Variants in PTPRJ observed in about 807,000 individuals in gnomAD.
The protein encoded by PTPRJ is receptor-type tyrosine-protein phosphatase eta.
A neutral mutation model predicts 141.3 loss-of-function variants in PTPRJ; 129 were observed. The ratio of observed to expected loss-of-function variants is 0.91; its 90% CI spans 0.79 to 1.06. PTPRJ has a LOEUF of 1.06. Ranked by LOEUF, PTPRJ falls within the 50% of genes least tolerant of loss-of-function variation. The probability of loss-of-function intolerance (pLI) is 0.00; values close to 1 mark genes in which losing one functional copy is unlikely to be tolerated. For missense variants in PTPRJ, 1,601 were observed against 1,679.7 expected, an observed-to-expected ratio of 0.95 and a Z score of 0.82; for synonymous variants, 610 against 640.5, an observed-to-expected ratio of 0.95 and a Z score of 0.72.
At chr11:47,986,793 G>C (rs1378758856) in intron 1 of PTPRJ, among the ~76,000 whole-genome samples, 1 of 152,190 alleles carries the variant, frequency 6.6e-6, no homozygotes, top group African/African-American at 2.4e-5. Flanking sequence ...TGGGATTACA[G>C]TCTGAGCCAC....
At chr11:48,067,234 G>A (rs1298983758) in intron 1 of PTPRJ, among the ~76,000 whole-genome samples, 1 of 152,158 alleles carries the variant, frequency 6.6e-6, no homozygotes, top group Non-Finnish European at 1.5e-5. Context: ...CCCTCCACCA[G>A]AGCAATTACA....
intron 1 of PTPRJ, among the ~76,000 whole-genome samples, chr11:48,020,265 A>G (rs1295988957): frequency 6.6e-6 from 1 of 152,154 alleles, no homozygotes; most frequent in African/African-American, 2.4e-5. Context: ...GTGACTGTTC[A>G]GTGGTAGGCA....
chr11:47,991,219 A>G (rs752943644), intron 1 of PTPRJ, among the ~76,000 whole-genome samples: 1 of 152,208 alleles, frequency 6.6e-6, no homozygotes, highest in Non-Finnish European at 1.5e-5. Flanking sequence ...GTGTGACTGA[A>G]GAGTGGCCAG....
At chr11:48,103,275 A>G (rs961797052) in intron 1 of PTPRJ, among the ~76,000 whole-genome samples, 1 of 152,168 alleles carries the variant, frequency 6.6e-6, no homozygotes, top group African/African-American at 2.4e-5. Context: ...CCAGGGAAGT[A>G]TAGGGAGACC....
chr11:48,089,664 G>A (rs1053022312), intron 1 of PTPRJ, among the ~76,000 whole-genome samples: 4 of 152,158 alleles, frequency 2.6e-5, no homozygotes, highest in South Asian at 2.1e-4. Context: ...CATAATGTCC[G>A]TATATAAATT....
chr11:48,149,895 G>T, intron 16 of PTPRJ, 95 bp from the exon 17 acceptor site: 1 of 961,246 alleles, frequency 1.0e-6, no homozygotes, highest in African/African-American at 1.7e-5. Flanking sequence ...TATACCCTGG[G>T]TTTTGTTGTT....
intron 1 of PTPRJ, among the ~76,000 whole-genome samples, chr11:48,040,292 C>G (rs544363990): frequency 1.3e-5 from 2 of 152,354 alleles, no homozygotes; most frequent in Admixed American, 6.5e-5. Flanking sequence ...CGCGCACATG[C>G]GTGTGCACCT....
At chr11:48,072,648 T>C (rs548228517) in intron 1 of PTPRJ, among the ~76,000 whole-genome samples, 15 of 152,088 alleles carry the variant, frequency 9.9e-5, no homozygotes, top group Non-Finnish European at 1.9e-4. Context: ...GATTCAGGAG[T>C]GTTCACATAG....
intron 1 of PTPRJ, among the ~76,000 whole-genome samples, chr11:48,085,730 T>C (rs762604334): frequency 3.9e-5 from 6 of 152,138 alleles, no homozygotes; most frequent in Non-Finnish European, 5.9e-5. Context: ...CCAAAAAGTT[T>C]AAGATGTGCT....
At chr11:48,005,688 G>C (rs1414525964) in intron 1 of PTPRJ, among the ~76,000 whole-genome samples, 1 of 152,190 alleles carries the variant, frequency 6.6e-6, no homozygotes, top group African/African-American at 2.4e-5. Flanking sequence ...TGTGGCCACG[G>C]GTTTTCAATG....
chr11:48,114,322 C>T (rs954684034), intron 3 of PTPRJ, among the ~76,000 whole-genome samples: 2 of 150,274 alleles, frequency 1.3e-5, no homozygotes, highest in Non-Finnish European at 1.5e-5. Flanking sequence ...CCTGTAATCC[C>T]AGCTACTCGG....
intron 1 of PTPRJ, among the ~76,000 whole-genome samples, chr11:48,049,622 G>C (rs1854507626): frequency 6.6e-6 from 1 of 151,006 alleles, no homozygotes; most frequent in Admixed American, 6.6e-5. Context: ...GCTGAGGCAG[G>C]AGAATCGCTT....
At chr11:48,126,539 G>C (rs964628075) in intron 6 of PTPRJ, among the ~76,000 whole-genome samples, 2 of 152,074 alleles carry the variant, frequency 1.3e-5, no homozygotes, top group East Asian at 3.9e-4. Context: ...CCTGGGCTCC[G>C]GGTGAAACAC....
intron 1 of PTPRJ, among the ~76,000 whole-genome samples, chr11:48,062,903 A>C (rs78360162): frequency 6.6e-6 from 1 of 152,228 alleles, no homozygotes; most frequent in African/African-American, 2.4e-5. Context: ...TAGAGTTGTC[A>C]TGCATTCCAG....
Position 48,159,338 on chromosome 11 carries a change from A to C in PTPRJ, c.3439-592A>C, listed in dbSNP as rs377275544. ...CCGATGTATATCTGAAAGCCTTGGG[A>C]AAAAGTCCTCATTTCTTCCAGCTGT... On this transcript the variant is annotated intron_variant, in intron 21 of 24. Coordinates refer to ENST00000418331, the MANE Select transcript of PTPRJ (RefSeq NM_002843.4). 1.6e-4 allele frequency among the ~76,000 whole-genome samples: 25 copies of C among 152,284 alleles called. No homozygotes were observed. The East Asian group carries it at 4.4e-3, about 27-fold the overall frequency.
At chr11:48,039,891 C>T (rs776277662) in intron 1 of PTPRJ, among the ~76,000 whole-genome samples, 3 of 152,062 alleles carry the variant, frequency 2.0e-5, no homozygotes, top group East Asian at 1.9e-4. Context: ...CGGGTTCAAG[C>T]GATTCTTCTG....
chr11:48,055,572 TA>T (rs1854731638), intron 1 of PTPRJ, among the ~76,000 whole-genome samples: 1 of 152,222 alleles, frequency 6.6e-6, no homozygotes, highest in South Asian at 2.1e-4. Context: ...TGCCACCCTC[TA>T]CTCCACATTC....
chr11:48,030,870 T>TC (rs1170473170), intron 1 of PTPRJ, among the ~76,000 whole-genome samples: 2 of 152,176 alleles, frequency 1.3e-5, no homozygotes, highest in Non-Finnish European at 2.9e-5. Flanking sequence ...CATAACTCAG[T>TC]CAGATGCACA....
chr11:47,987,939 C>T (rs562639287), intron 1 of PTPRJ, among the ~76,000 whole-genome samples: 18 of 152,306 alleles, frequency 1.2e-4, no homozygotes, highest in African/African-American at 4.3e-4. Flanking sequence ...TTTAAACATG[C>T]AAATAATTTT....
Sources: allele counts gnomAD v4.1 joint callset (sites outside exome capture counted in the v4.1 genomes callset), GRCh38; gene constraint gnomAD v4.1.1; transcripts MANE v1.5; gene names NCBI Gene and HGNC (gene_info 2026-07-23, HGNC 2026-07-21).